Variants in OTUD7A observed in about 807,000 individuals in gnomAD.
The protein encoded by OTUD7A is OTU domain-containing protein 7A.
Under a neutral mutation model 65.7 loss-of-function variants are expected in OTUD7A, and 12 were observed. That is an observed-to-expected ratio of 0.18 (90% CI 0.12 to 0.30). The LOEUF is 0.30. Ranked by LOEUF, OTUD7A falls within the 10% of genes least tolerant of loss-of-function variation. The pLI is 1.00. For synonymous variants in OTUD7A, 641 were observed against 586.3 expected (o/e 1.09, Z -1.35); for missense variants, 1,148 against 1,304.8 (o/e 0.88, Z 1.85).
intron 3 of OTUD7A, among the ~76,000 whole-genome samples, chr15:31,593,510 G>T (rs1469407209): frequency 6.6e-6 from 1 of 152,134 alleles, no homozygotes; most frequent in Non-Finnish European, 1.5e-5. Context: ...ATTGGCCTAT[G>T]TTTAAAACAA....
At chr15:31,850,078 T>G in intron 1 of OTUD7A, among the ~76,000 whole-genome samples, 1 of 152,290 alleles carries the variant, frequency 6.6e-6, no homozygotes, top group East Asian at 1.9e-4. Context: ...CCCAAAGGAT[T>G]ATAAATCATG....
chr15:31,617,146 A>G (rs867655311), intron 3 of OTUD7A, among the ~76,000 whole-genome samples: 2 of 152,224 alleles, frequency 1.3e-5, no homozygotes, highest in African/African-American at 4.8e-5. Flanking sequence ...GACAAATGAT[A>G]AAGAGAATCG....
intron 1 of OTUD7A, among the ~76,000 whole-genome samples, chr15:31,726,531 A>T (rs1225613581): frequency 6.6e-6 from 1 of 152,222 alleles, no homozygotes; most frequent in African/African-American, 2.4e-5. Flanking sequence ...AAATGTAAAC[A>T]CTACGGACAG....
chr15:31,822,476 A>G (rs948391998), intron 1 of OTUD7A, among the ~76,000 whole-genome samples: 11 of 152,242 alleles, frequency 7.2e-5, no homozygotes, highest in African/African-American at 2.4e-4. Flanking sequence ...TACAGATGAG[A>G]AAACAGGTTC....
chr15:31,870,266 G>A (rs1681978862), intron 1 of OTUD7A, among the ~76,000 whole-genome samples: 1 of 148,088 alleles, frequency 6.8e-6, no homozygotes, highest in Non-Finnish European at 1.5e-5. Context: ...CGGTGGCCCG[G>A]GAGCCCGCGG....
intron 8 of OTUD7A, among the ~76,000 whole-genome samples, chr15:31,518,959 C>G (rs774770112): frequency 2.6e-5 from 4 of 152,272 alleles, no homozygotes; most frequent in Non-Finnish European, 5.9e-5. Context: ...GGGGGCCTCC[C>G]AGTGCTTCGA....
At chr15:31,755,590 C>T (rs184969605) in intron 1 of OTUD7A, among the ~76,000 whole-genome samples, 13 of 152,086 alleles carry the variant, frequency 8.5e-5, no homozygotes, top group Admixed American at 4.6e-4. Context: ...GGCGTGCTGG[C>T]GGGCGCCTGT....
At chr15:31,825,639 C>T (rs1236196750) in intron 1 of OTUD7A, among the ~76,000 whole-genome samples, 1 of 152,186 alleles carries the variant, frequency 6.6e-6, no homozygotes, top group Non-Finnish European at 1.5e-5. Flanking sequence ...TCCCAACAGT[C>T]CCCCAAAGTC....
At chr15:31,667,218 G>C (rs1215797470) in intron 1 of OTUD7A, among the ~76,000 whole-genome samples, 1 of 141,688 alleles carries the variant, frequency 7.1e-6, no homozygotes, top group Non-Finnish European at 1.5e-5. Context: ...AGTGCTGTCA[G>C]TGGAGTACTG....
At chr15:31,697,293 C>G (rs140146950) in intron 1 of OTUD7A, among the ~76,000 whole-genome samples, 2 of 133,546 alleles carry the variant, frequency 1.5e-5, no homozygotes, top group African/African-American at 5.5e-5. Flanking sequence ...CTTAGAAAGG[C>G]CCTCCTTGGC....
chr15:31,478,139 C>G lies in OTUD7A; in HGVS notation c.*5155G>C, dbSNP rs2041052540. On this transcript the variant is annotated 3_prime_UTR_variant, in exon 13 of 13. Transcript: ENST00000307050. ...AGAAGAAGTACTGGGATGGGAGAGG[C>G]CTTTGTAAGGACCTGGCTTTTCCTC... The G allele has an allele frequency of 6.6e-6, 1 of 152,150 alleles. No individual in the cohort carries two copies. The highest frequency in any genetic ancestry group is 1.5e-5 in the Non-Finnish European group (1 of 68,040). The allele number at this position is 152,150 out of a possible 1,614,324, so 9.4% of individuals were successfully genotyped here. A position where few individuals can be genotyped will look rare whatever the true frequency, so the allele number is the denominator to read the frequency against.
At chr15:31,768,433 T>A (rs1318718170) in intron 1 of OTUD7A, among the ~76,000 whole-genome samples, 1 of 151,966 alleles carries the variant, frequency 6.6e-6, no homozygotes, top group Non-Finnish European at 1.5e-5. Context: ...CCAAGCCAGG[T>A]GGATCGCTTG....
At chr15:31,593,298 T>C (rs1454984124) in intron 3 of OTUD7A, among the ~76,000 whole-genome samples, 1 of 151,864 alleles carries the variant, frequency 6.6e-6, no homozygotes, top group Non-Finnish European at 1.5e-5. Flanking sequence ...TTGGTTCTGT[T>C]TCACCAGAGA....
chr15:31,663,982 G>A (rs1322489479), intron 1 of OTUD7A, among the ~76,000 whole-genome samples: 1 of 152,100 alleles, frequency 6.6e-6, no homozygotes, highest in East Asian at 1.9e-4. Flanking sequence ...TCTCATCCAG[G>A]TCACTGCAAA....
intron 5 of OTUD7A, among the ~76,000 whole-genome samples, chr15:31,548,829 T>C (rs1276396328): frequency 1.3e-5 from 2 of 152,064 alleles, no homozygotes; most frequent in Admixed American, 1.3e-4. Context: ...TGTTTGAAAT[T>C]TGAAGCCATC....
intron 3 of OTUD7A, among the ~76,000 whole-genome samples, chr15:31,623,274 C>G (rs1445787328): frequency 6.6e-6 from 1 of 152,198 alleles, no homozygotes; most frequent in Non-Finnish European, 1.5e-5. Flanking sequence ...CTGGGAGAAC[C>G]ACTACTCTCT....
intron 1 of OTUD7A, among the ~76,000 whole-genome samples, chr15:31,749,213 C>T (rs1027553467): frequency 1.3e-5 from 2 of 152,000 alleles, no homozygotes; most frequent in African/African-American, 4.8e-5. Flanking sequence ...GTGCAGCACA[C>T]CAACATGGCA....
chr15:31,721,232 C>T (rs549596828), intron 1 of OTUD7A, among the ~76,000 whole-genome samples: 19 of 152,318 alleles, frequency 1.2e-4, no homozygotes, highest in African/African-American at 2.9e-4. Context: ...TGTCTGGATA[C>T]GCAGTGTGTG....
At chr15:31,802,079 T>C (rs1896139527) in intron 1 of OTUD7A, among the ~76,000 whole-genome samples, 1 of 149,504 alleles carries the variant, frequency 6.7e-6, no homozygotes, top group Non-Finnish European at 1.5e-5. Context: ...ACAGAACTAA[T>C]GGAATATATA....
Sources: gnomAD v4.1 joint callset for allele counts (sites outside exome capture counted in the v4.1 genomes callset) on GRCh38, gnomAD v4.1.1 for gene constraint, MANE v1.5 for transcripts, NCBI Gene and HGNC (gene_info 2026-07-23, HGNC 2026-07-21) for gene names.